CES1: variants seen among roughly 807,000 people sequenced by gnomAD.
The protein encoded by CES1 is carboxylesterase 1.
CES1 carries 50 observed loss-of-function variants against 53.0 expected under a neutral mutation model. The ratio of observed to expected loss-of-function variants is 0.94; its 90% confidence interval spans 0.75 to 1.19. The LOEUF (loss-of-function observed/expected upper bound fraction) is 1.19, where lower values mean the gene tolerates loss of function less well. Ranked by LOEUF, CES1 falls within the 50% of genes most tolerant of loss-of-function variation. The probability of loss-of-function intolerance (pLI) is 0.00; values close to 1 mark genes in which losing one functional copy is unlikely to be tolerated. For missense variants in CES1, 534 were observed against 538.0 expected, an observed-to-expected ratio of 0.99 and a Z score of 0.07; for synonymous variants, 202 against 210.1, an observed-to-expected ratio of 0.96 and a Z score of 0.33.
intron 8 of CES1, among the ~76,000 whole-genome samples, chr16:55,813,587 C>T (rs1361767441): frequency 6.6e-6 from 1 of 152,212 alleles, no homozygotes; most frequent in Non-Finnish European, 1.5e-5. Context: ...CTATCACAGC[C>T]TCATGTATGA....
intron 3 of CES1, among the ~76,000 whole-genome samples, chr16:55,824,806 G>C (rs2032353363): frequency 6.6e-6 from 1 of 152,232 alleles, no homozygotes; most frequent in Non-Finnish European, 1.5e-5. Context: ...GAGGCTTAGA[G>C]AAGTTAAGAA....
intron 9 of CES1, among the ~76,000 whole-genome samples, chr16:55,811,222 A>AC (rs1555511792): frequency 6.6e-6 from 1 of 150,552 alleles, no homozygotes; most frequent in Non-Finnish European, 1.5e-5. Context: ...AAAAAAAAAA[A>AC]CAAAAAACAA....
intron 1 of CES1, 145 bp from the exon 2 acceptor site, chr16:55,829,119 G>A (rs1597092098): frequency 5.6e-6 from 5 of 890,918 alleles, no homozygotes; most frequent in East Asian, 2.6e-5. Context: ...GTACAATAGG[G>A]ATGACGATCA....
chr16:55,809,247 A>G (rs2142310893), intron 11 of CES1, among the ~76,000 whole-genome samples: 1 of 152,290 alleles, frequency 6.6e-6, no homozygotes, highest in Admixed American at 6.5e-5. Context: ...TTAAGAAAGA[A>G]CAGATTCAAC....
intron 4 of CES1, among the ~76,000 whole-genome samples, chr16:55,822,501 G>A (rs1198829917): frequency 6.6e-6 from 1 of 152,214 alleles, no homozygotes; most frequent in Non-Finnish European, 1.5e-5. Context: ...GGCGTGGTGG[G>A]AGGAGAAGGG....
At chr16:55,830,721 G>A (rs2032606631) in intron 1 of CES1, among the ~76,000 whole-genome samples, 1 of 145,290 alleles carries the variant, frequency 6.9e-6, no homozygotes, top group South Asian at 2.2e-4. Flanking sequence ...AGGAAAGAAG[G>A]AAAGGAAAGA....
intron 7 of CES1, among the ~76,000 whole-genome samples, chr16:55,817,637 C>T (rs1263338469): frequency 1.3e-5 from 2 of 151,918 alleles, no homozygotes; most frequent in Non-Finnish European, 2.9e-5. Flanking sequence ...GATTGAAGTC[C>T]CACTAGCCAG....
At chr16:55,825,076 A>T (rs1440518185) in intron 3 of CES1, among the ~76,000 whole-genome samples, 4 of 152,166 alleles carry the variant, frequency 2.6e-5, no homozygotes, top group Non-Finnish European at 5.9e-5. Flanking sequence ...AGAAGGCAAG[A>T]TCCTTGAAGG....
intron 8 of CES1, 75 bp from the exon 9 acceptor site, chr16:55,813,118 G>A (rs1324803159): frequency 1.9e-6 from 3 of 1,597,368 alleles, no homozygotes; most frequent in African/African-American, 1.3e-5. Flanking sequence ...CCTGTCTGAG[G>A]GTGAGACCAG....
chr16:55,812,764 T>G, intron 9 of CES1, 139 bp downstream of exon 9: 2 of 1,254,900 alleles, frequency 1.6e-6, no homozygotes, highest in African/African-American at 1.5e-5. Context: ...AAGATTTCCG[T>G]GGAAATGTTA....
chr16:55,810,883 C>T, intron 10 of CES1, 44 bp downstream of exon 10: 14 of 1,560,186 alleles, frequency 9.0e-6, no homozygotes, highest in Non-Finnish European at 1.2e-5. Flanking sequence ...AGTCCTTGTC[C>T]CTCTCTGGGT....
chr16:55,816,888 C>T (rs1425694036), intron 8 of CES1, 36 bp downstream of exon 8: 5 of 1,609,258 alleles, frequency 3.1e-6, no homozygotes, highest in South Asian at 1.1e-5. Context: ...GGTGCTAAGA[C>T]TCAAAACCCG....
intron 1 of CES1, among the ~76,000 whole-genome samples, chr16:55,830,600 C>G (rs2032599778): frequency 6.6e-6 from 1 of 151,970 alleles, no homozygotes; most frequent in South Asian, 2.1e-4. Context: ...GTCAGGAGTT[C>G]AAGACCAGCC....
intron 9 of CES1, 39 bp downstream of exon 9, chr16:55,812,864 G>C (rs2307232): frequency 1.9e-6 from 3 of 1,612,856 alleles, no homozygotes; most frequent in Non-Finnish European, 2.5e-6. Flanking sequence ...GGGCTGATGG[G>C]GGTGGTTGAG....
intron 9 of CES1, among the ~76,000 whole-genome samples, chr16:55,812,624 G>C (rs1246214171): frequency 1.3e-5 from 2 of 152,120 alleles, no homozygotes; most frequent in East Asian, 1.9e-4. Context: ...CCCATCTGCA[G>C]AGTTATTTTC....
chr16:55,824,701 T>C (rs1462570233), intron 3 of CES1, among the ~76,000 whole-genome samples: 1 of 152,262 alleles, frequency 6.6e-6, no homozygotes, highest in Non-Finnish European at 1.5e-5. Context: ...GGCAGGGGTA[T>C]GAGCCTGCCT....
intron 10 of CES1, 58 bp downstream of exon 10, chr16:55,810,869 G>C: frequency 6.6e-7 from 1 of 1,508,196 alleles, no homozygotes; most frequent in East Asian, 2.2e-5. Context: ...CTATGATTTG[G>C]GCAAGTCCTT....
At chr16:55,825,296 C>T (rs1204900571) in intron 3 of CES1, among the ~76,000 whole-genome samples, 1 of 152,226 alleles carries the variant, frequency 6.6e-6, no homozygotes, top group Admixed American at 6.5e-5. Flanking sequence ...CCTGCTCCCC[C>T]ACTCCTAGGC....
At chr16:55,811,749 C>T (rs1466277171) in intron 9 of CES1, among the ~76,000 whole-genome samples, 8 of 82,750 alleles carry the variant, frequency 9.7e-5, no homozygotes, top group Admixed American at 5.2e-4. Context: ...ATGATAAACA[C>T]TTTCTCTGCC....
Sources: allele counts gnomAD v4.1 joint callset (sites outside exome capture counted in the v4.1 genomes callset), GRCh38; gene constraint gnomAD v4.1.1; transcripts MANE v1.5; gene names NCBI Gene and HGNC (gene_info 2026-07-23, HGNC 2026-07-21).